The following RIC1 variants were observed in gnomAD, a reference collection of about 807,000 sequenced individuals.
RIC1 encodes the protein RIC1 partner of RAB6A GEF complex.
RIC1 carries 88 observed loss-of-function variants against 169.0 expected under a neutral mutation model. That is an observed-to-expected ratio of 0.52 (90% CI 0.44 to 0.62). The LOEUF (loss-of-function observed/expected upper bound fraction) is 0.62, where lower values mean the gene tolerates loss of function less well. RIC1 is among the 20% of genes least tolerant of loss of function. The probability of loss-of-function intolerance (pLI) is 0.00; values close to 1 mark genes in which losing one functional copy is unlikely to be tolerated. For missense variants in RIC1, 1,877 were observed against 1,725.5 expected, an observed-to-expected ratio of 1.09 and a Z score of -1.56; for synonymous variants, 790 against 601.5, an observed-to-expected ratio of 1.31 and a Z score of -4.59.
At chr9:5,638,622 A>G (rs1179364603) in intron 1 of RIC1, among the ~76,000 whole-genome samples, 3 of 152,182 alleles carry the variant, frequency 2.0e-5, no homozygotes, top group Non-Finnish European at 4.4e-5. Flanking sequence ...GTTTATTGGC[A>G]TATAGTTGCT....
intron 7 of RIC1, among the ~76,000 whole-genome samples, chr9:5,737,440 T>G (rs1824785047): frequency 1.3e-5 from 2 of 152,198 alleles, no homozygotes; most frequent in Non-Finnish European, 2.9e-5. Context: ...CCCTCTTCTT[T>G]GATACTCCCT....
At chr9:5,691,979 C>G (rs895489944) in intron 3 of RIC1, among the ~76,000 whole-genome samples, 1 of 151,960 alleles carries the variant, frequency 6.6e-6, no homozygotes, top group African/African-American at 2.4e-5. Flanking sequence ...TTTTCTGATT[C>G]TAAAACTGCA....
At chr9:5,736,813 GA>G (rs1306079852) in intron 7 of RIC1, among the ~76,000 whole-genome samples, 1 of 151,612 alleles carries the variant, frequency 6.6e-6, no homozygotes, top group African/African-American at 2.4e-5. Flanking sequence ...ATGGAACACA[GA>G]AAAAAAAGAA....
intron 15 of RIC1, among the ~76,000 whole-genome samples, chr9:5,755,491 C>G (rs1019169199): frequency 6.6e-6 from 1 of 152,180 alleles, no homozygotes; most frequent in Non-Finnish European, 1.5e-5. Flanking sequence ...TCTTAGTATA[C>G]TGTACTCACC....
intron 1 of RIC1, among the ~76,000 whole-genome samples, chr9:5,639,992 A>G (rs1025419642): frequency 6.6e-6 from 1 of 152,174 alleles, no homozygotes; most frequent in Non-Finnish European, 1.5e-5. Context: ...TGTGGGCAAC[A>G]GATCAGTGGA....
intron 1 of RIC1, among the ~76,000 whole-genome samples, chr9:5,646,005 A>G (rs1379032380): frequency 6.6e-6 from 1 of 150,530 alleles, no homozygotes; most frequent in Admixed American, 6.6e-5. Context: ...AAATTGCCAC[A>G]TACTGTGTTT....
chr9:5,756,164 T>C (rs780788068), intron 15 of RIC1, 48 bp from the exon 16 acceptor site: 2 of 1,292,344 alleles, frequency 1.5e-6, no homozygotes, highest in South Asian at 3.8e-5. Flanking sequence ...TGGTCATCCC[T>C]AGTAGTTATC....
chr9:5,700,989 T>G (rs960766562), intron 3 of RIC1, among the ~76,000 whole-genome samples: 4 of 152,226 alleles, frequency 2.6e-5, no homozygotes, highest in African/African-American at 9.6e-5. Context: ...TAGTTCAGAT[T>G]CTTCTCAGAA....
At chr9:5,648,694 A>G (rs1818652813) in intron 1 of RIC1, among the ~76,000 whole-genome samples, 1 of 152,022 alleles carries the variant, frequency 6.6e-6, no homozygotes, top group Admixed American at 6.5e-5. Flanking sequence ...TTTCTTTTTA[A>G]TAATTGCTAT....
In RIC1 at chr9:5,733,257, T is replaced by C. The variant is rs528279947; in HGVS notation, c.812+778T>C. On this transcript the variant is annotated intron_variant, in intron 7 of 25. Transcript: ENST00000414202. The stretch of plus-strand genomic sequence containing the variant: ...ATATCATCACCACCCAATTTAAGTA[T>C]CAAAGATTTTTTTTTTTTTTTTTTG... 3.3e-5 allele frequency among the ~76,000 whole-genome samples: 5 copies of C among 151,128 alleles called. No individual in the cohort carries two copies. In the South Asian group the frequency reaches 1.1e-3, roughly 32 times the overall value.
chr9:5,753,608 C>G lies in RIC1; in HGVS notation c.1564C>G (p.Leu522Val). 1 of 1,609,364 alleles carries G rather than the reference C, an allele frequency of 6.2e-7. No homozygotes were observed. Among genetic ancestry groups the G allele is most frequent in the Non-Finnish European group, 8.5e-7 (1 of 1,177,910 alleles). Residue 522 changes from leucine (L) to valine (V), a missense_variant, in exon 14 of 26, where the codon CTC becomes GTC. Leu to Val is a conservative substitution (Grantham distance 32). Transcript: ENST00000414202. ...GTTTGGTTTTGCACATTACTCTTTA[C>G]TCACCAAAAAATGGAAACTTTTTGG... ...GKFGFAHYSL[L>V]TKKWKLFGNI...
chr9:5,777,306 G>GTT (rs576281540), downstream of RIC1, among the ~76,000 whole-genome samples: 9 of 143,184 alleles, frequency 6.3e-5, no homozygotes, highest in Non-Finnish European at 1.1e-4. Context: ...CAATATTCAA[G>GTT]TTTTTTTTTT....
chr9:5,672,319 A>C (rs761628245), intron 2 of RIC1, among the ~76,000 whole-genome samples: 3 of 152,242 alleles, frequency 2.0e-5, no homozygotes, highest in Admixed American at 2.0e-4. Context: ...TGTGGCTCCT[A>C]TTGATGAGCC....
chr9:5,742,830 A>T, intron 8 of RIC1, 39 bp from the exon 9 acceptor site: 2 of 1,529,940 alleles, frequency 1.3e-6, no homozygotes, highest in Admixed American at 3.9e-5. Flanking sequence ...TTTCTGAAGC[A>T]ACTATTTATT....
In RIC1 at chr9:5,683,927, C is replaced by T. The variant is rs550011980; in HGVS notation, c.253-6032C>T. Among the ~76,000 whole-genome samples, 65 of 152,302 alleles carry T rather than the reference C, an allele frequency of 4.3e-4. 1 individual carries two copies. Among genetic ancestry groups the T allele is most frequent in the African/African-American group, 1.4e-3 (60 of 41,572 alleles). On this transcript the variant is annotated intron_variant, in intron 2 of 25. Coordinates refer to ENST00000414202, the MANE Select transcript of RIC1 (RefSeq NM_020829.4). ...CTAGCAATGAGCGAGGCTCCGTGGG[C>T]ATAGGACCCTCCGAGCCAGGTGCGG...
chr9:5,661,578 T>A (rs776262222), intron 2 of RIC1, among the ~76,000 whole-genome samples: 2 of 152,178 alleles, frequency 1.3e-5, no homozygotes, highest in Non-Finnish European at 2.9e-5. Flanking sequence ...TGCTAGGTAT[T>A]TTATTCATTT....
intron 2 of RIC1, 113 bp downstream of exon 2, chr9:5,656,803 T>C: frequency 1.6e-6 from 1 of 622,826 alleles, no homozygotes; most frequent in Non-Finnish European, 2.8e-6. Context: ...AAGTATTTAT[T>C]TTATTCTGAT....
chr9:5,705,787 A>G (rs892053273), intron 3 of RIC1, among the ~76,000 whole-genome samples: 1 of 152,180 alleles, frequency 6.6e-6, no homozygotes, highest in Non-Finnish European at 1.5e-5. Context: ...TTTATCATAT[A>G]TGTCCTTTAT....
At chr9:5,719,630 T>G (rs1178806803) in intron 4 of RIC1, 1 of 152,402 alleles carries the variant, frequency 6.6e-6, no homozygotes, top group East Asian at 1.9e-4. Context: ...ATGAATTTAT[T>G]TAAATTTACA....
Sources: gnomAD v4.1 joint callset for allele counts (sites outside exome capture counted in the v4.1 genomes callset) on GRCh38, gnomAD v4.1.1 for gene constraint, MANE v1.5 for transcripts, NCBI Gene and HGNC (gene_info 2026-07-23, HGNC 2026-07-21) for gene names.